The following NAA35 variants were observed in gnomAD, a reference collection of about 807,000 sequenced individuals.
The protein encoded by NAA35 is MAK10 homolog, amino-acid N-acetyltransferase subunit.
Under a neutral mutation model 101.7 loss-of-function variants are expected in NAA35, and 18 were observed. That is an observed-to-expected ratio of 0.18 (90% CI 0.12 to 0.26). The LOEUF (loss-of-function observed/expected upper bound fraction) is 0.26, where lower values mean the gene tolerates loss of function less well. Among genes scored for constraint, NAA35 ranks in the 10% least tolerant of loss-of-function variants. The pLI is 1.00. For missense variants in NAA35, 601 were observed against 886.8 expected (o/e 0.68, Z 4.09); for synonymous variants, 267 against 273.1 (o/e 0.98, Z 0.22).
chr9:86,008,117 C>T (rs921050858), intron 14 of NAA35, among the ~76,000 whole-genome samples: 4 of 152,208 alleles, frequency 2.6e-5, no homozygotes, highest in African/African-American at 7.2e-5. Flanking sequence ...GGCTGGAGTG[C>T]AGTGGCATCA....
chr9:86,021,681 G>A (rs978182331), intron 22 of NAA35, among the ~76,000 whole-genome samples: 1 of 152,100 alleles, frequency 6.6e-6, no homozygotes, highest in Admixed American at 6.5e-5. Context: ...CAGCTGGTCA[G>A]CCTGTTTTCT....
In NAA35 at chr9:86,024,739, GTT is replaced by G; in HGVS notation, c.*2781_*2782del. The stretch of plus-strand genomic sequence containing the variant: ...ATATCTAGGCAAGGTAGGAGACCAG[GTT>G]TGGGATAAAGATTGCTTTAGACATT... On this transcript the variant is annotated 3_prime_UTR_variant, in exon 23 of 23. Transcript: ENST00000361671. Among the ~76,000 whole-genome samples the G allele has an allele frequency of 1.3e-5, 2 of 151,006 alleles. No individual in the cohort carries two copies. The highest frequency in any genetic ancestry group is 6.9e-3 in the Middle Eastern group (2 of 290).
intron 16 of NAA35, 57 bp from the exon 17 acceptor site, chr9:86,013,662 C>T (rs1350276584): frequency 6.8e-7 from 1 of 1,481,010 alleles, no homozygotes; most frequent in Non-Finnish European, 9.2e-7. Flanking sequence ...TTTTAAAGTT[C>T]TGTCATTACC....
intron 15 of NAA35, among the ~76,000 whole-genome samples, chr9:86,012,733 A>G (rs1048114949): frequency 6.6e-6 from 1 of 152,202 alleles, no homozygotes; most frequent in Non-Finnish European, 1.5e-5. Context: ...AGCCTTGAAC[A>G]TTGGCTTTTG....
chr9:85,977,204 T>C (rs1413302190), intron 9 of NAA35, among the ~76,000 whole-genome samples, 159 bp from the exon 10 acceptor site: 1 of 152,162 alleles, frequency 6.6e-6, no homozygotes, highest in Non-Finnish European at 1.5e-5. Flanking sequence ...TGTTTTGTTT[T>C]CTGCAGCTCA....
In NAA35 at chr9:86,021,830, AAT is replaced by A. The variant is rs1382946765; in HGVS notation, c.2119-69_2119-68del. On this transcript the variant is annotated intron_variant, in intron 22 of 22. Coordinates refer to ENST00000361671, the MANE Select transcript of NAA35 (RefSeq NM_024635.4). ...AGAACACAAGAAACTCTAAAATAAA[AAT>A]AGTCTTTGTTTTGTGTACCATCTGA... is the stretch of plus-strand genomic sequence containing the variant. 40 of 1,238,740 alleles carry A rather than the reference AAT, an allele frequency of 3.2e-5. 1 individual carries two copies. The highest frequency in any genetic ancestry group is 2.0e-4 in the Middle Eastern group (1 of 4,914). 76.7% of individuals were successfully genotyped at this position (1,238,740 alleles called of 1,614,324 possible).
At chr9:85,957,573 G>A (rs919703627) in intron 3 of NAA35, among the ~76,000 whole-genome samples, 10 of 152,106 alleles carry the variant, frequency 6.6e-5, no homozygotes, top group Admixed American at 6.5e-5. Flanking sequence ...CAACACTGCC[G>A]CATTGGGGAT....
intron 16 of NAA35, among the ~76,000 whole-genome samples, 171 bp downstream of exon 16, chr9:86,013,315 A>G (rs1447150299): frequency 6.6e-6 from 1 of 152,258 alleles, no homozygotes; most frequent in Admixed American, 6.5e-5. Flanking sequence ...AAACAGAACA[A>G]TAATCCAAAC....
intron 2 of NAA35, among the ~76,000 whole-genome samples, chr9:85,952,830 C>G (rs904345568): frequency 3.9e-5 from 6 of 152,154 alleles, no homozygotes; most frequent in Non-Finnish European, 8.8e-5. Context: ...CACCTTGGCC[C>G]TGAGAGTAAT....
intron 6 of NAA35, among the ~76,000 whole-genome samples, chr9:85,969,146 G>C (rs1367563548): frequency 6.6e-6 from 1 of 151,098 alleles, no homozygotes; most frequent in East Asian, 1.9e-4. Flanking sequence ...GAATTTCATT[G>C]TTTTGTTAGG....
chr9:85,990,455 G>A (rs1352357568), intron 11 of NAA35, among the ~76,000 whole-genome samples: 1 of 151,984 alleles, frequency 6.6e-6, no homozygotes, highest in African/African-American at 2.4e-5. Context: ...GTTTATTATT[G>A]GTAAGAAGAT....
chr9:85,994,343 A>G (rs1362902597), intron 11 of NAA35, among the ~76,000 whole-genome samples: 1 of 152,134 alleles, frequency 6.6e-6, no homozygotes, highest in Non-Finnish European at 1.5e-5. Flanking sequence ...CCTCACGGCC[A>G]TTATTCTCTG....
intron 4 of NAA35, among the ~76,000 whole-genome samples, chr9:85,958,900 T>C (rs998049877): frequency 1.3e-5 from 2 of 152,134 alleles, no homozygotes; most frequent in African/African-American, 2.4e-5. Context: ...TATATAAAAG[T>C]AAATTTACAC....
At chr9:85,943,349 C>T (rs567805465) in intron 2 of NAA35, among the ~76,000 whole-genome samples, 1 of 152,196 alleles carries the variant, frequency 6.6e-6, no homozygotes, top group African/African-American at 2.4e-5. Context: ...AAGTATATTT[C>T]TAAGTGACAG....
chr9:85,974,556 TTAA>T (rs1322324713), intron 6 of NAA35, among the ~76,000 whole-genome samples: 5 of 152,182 alleles, frequency 3.3e-5, no homozygotes, highest in African/African-American at 7.2e-5. Context: ...AAGCAGTCAC[TTAA>T]TAATTTTTTA....
At chr9:85,960,181 C>T (rs1829454958) in intron 5 of NAA35, among the ~76,000 whole-genome samples, 1 of 152,126 alleles carries the variant, frequency 6.6e-6, no homozygotes, top group Non-Finnish European at 1.5e-5. Flanking sequence ...CATAAATAAG[C>T]ATGGAATTGA....
chr9:85,991,916 T>C (rs1325332055), intron 11 of NAA35, among the ~76,000 whole-genome samples: 1 of 152,188 alleles, frequency 6.6e-6, no homozygotes, highest in Non-Finnish European at 1.5e-5. Context: ...GGCTCACACC[T>C]GTAATCCCAG....
chr9:86,018,508 T>G (rs1202959308), intron 20 of NAA35, 113 bp downstream of exon 20: 2 of 1,351,052 alleles, frequency 1.5e-6, no homozygotes, highest in African/African-American at 3.0e-5. Flanking sequence ...ATCATAAGAA[T>G]AATATGAGGT....
intron 13 of NAA35, among the ~76,000 whole-genome samples, chr9:86,005,093 G>A (rs1327758454): frequency 6.6e-6 from 1 of 151,968 alleles, no homozygotes; most frequent in Non-Finnish European, 1.5e-5. Flanking sequence ...CATGAACACA[G>A]ATGTAAAAAT....
Sources: allele counts gnomAD v4.1 joint callset (sites outside exome capture counted in the v4.1 genomes callset), GRCh38; gene constraint gnomAD v4.1.1; transcripts MANE v1.5; gene names NCBI Gene and HGNC (gene_info 2026-07-23, HGNC 2026-07-21).